Variants in SETDB1 observed in about 807,000 individuals in gnomAD.
The protein encoded by SETDB1 is histone-lysine N-methyltransferase SETDB1.
SETDB1 carries 31 observed loss-of-function variants against 137.4 expected under a neutral mutation model. The observed-to-expected ratio is 0.23, with a 90% CI of 0.17 to 0.30. The LOEUF (loss-of-function observed/expected upper bound fraction) is 0.30, where lower values mean the gene tolerates loss of function less well. SETDB1 is among the 10% of genes least tolerant of loss of function. SETDB1 has a pLI of 1.00. For missense variants in SETDB1, 1,113 were observed against 1,631.5 expected, an observed-to-expected ratio of 0.68 and a Z score of 5.47; for synonymous variants, 548 against 579.9, an observed-to-expected ratio of 0.95 and a Z score of 0.79.
Position 150,960,801 on chromosome 1 carries a change from T to G in SETDB1, c.2742T>G (p.Asp914Glu), listed in dbSNP as rs146691836. 1.0e-4 allele frequency: 168 copies of G among 1,608,708 alleles called. No individual in the cohort carries two copies. Among genetic ancestry groups the G allele is most frequent in the Non-Finnish European group, 1.3e-4 (149 of 1,177,610 alleles). ...DDSSDDNFCK[D>E]EDFSTSSVWR... ...GCTCAGATGATAACTTCTGTAAGGA[T>G]GAGGACTTCAGCACCAGTTCAGTGT... Residue 914 changes from aspartate (D) to glutamate (E), a missense_variant, in exon 16 of 22, where the codon GAT becomes GAG. By Grantham distance (45) the Asp-to-Glu change is conservative. Transcript: ENST00000692827.
chr1:150,957,962 G>A (rs1048465405), intron 14 of SETDB1, among the ~76,000 whole-genome samples: 3 of 152,216 alleles, frequency 2.0e-5, no homozygotes, highest in South Asian at 2.1e-4. Flanking sequence ...TAAGGCAGGC[G>A]GATCACATGA....
At chr1:150,938,462 TGTTA>T (rs1389653507) in intron 3 of SETDB1, among the ~76,000 whole-genome samples, 2 of 152,128 alleles carry the variant, frequency 1.3e-5, no homozygotes, top group Admixed American at 6.6e-5. Context: ...TCGATAGTGA[TGTTA>T]GTTTAATTAC....
chr1:150,961,069 TC>T lies in SETDB1; in HGVS notation c.3012del (p.Phe1005SerfsTer26). On this transcript the variant is annotated frameshift_variant, in exon 16 of 22. Coordinates refer to ENST00000692827, the MANE Select transcript of SETDB1 (RefSeq NM_001366418.1). LOFTEE classifies it high-confidence loss of function. ...TTTTGCTGACTCTGATAGCCATTCA[TC>T]CTTCAAGACTAATGAAGGTGGGGAG... ...GGFADSDSHS[S>X]FKTNEGGEGR... is the part of the protein sequence containing the mutation. 1 of 1,566,864 alleles carries T rather than the reference TC, an allele frequency of 6.4e-7. No homozygotes were observed. The highest frequency in any genetic ancestry group is 1.1e-5 in the South Asian group (1 of 90,176).
At position 150,942,845 on chromosome 1, in the gene SETDB1, T is replaced by C. The variant is rs770198547; in HGVS notation, c.674-7T>C. ...TTTAAAAAGATTTATCTTTCCCTTT[T>C]ACTCAGGGCCAGGGAAGAAATACAA... On this transcript the variant is annotated splice_polypyrimidine_tract_variant and splice_region_variant and intron_variant, in intron 6 of 21. Transcript: ENST00000692827. The C allele has an allele frequency of 6.2e-7, 1 of 1,612,900 alleles. No individual in the cohort carries two copies. The highest frequency in any genetic ancestry group is 1.7e-5 in the Admixed American group (1 of 59,998).
Position 150,962,740 on chromosome 1 carries a change from TCA to T in SETDB1, c.3294+22_3294+23del, listed in dbSNP as rs139971696. On this transcript the variant is annotated intron_variant, in intron 18 of 21. Coordinates refer to ENST00000692827, the MANE Select transcript of SETDB1 (RefSeq NM_001366418.1). ...CTGATGTAAGTCACCTCAAGCTTAT[TCA>T]GAGTCTAATAAAGGAAAATGGGCCA... is the stretch of plus-strand genomic sequence containing the variant. The T allele has an allele frequency of 2.1e-3, 3,447 of 1,611,958 alleles. 70 individuals carry two copies. In the African/African-American group the frequency reaches 0.041, roughly 19 times the overall value.
intron 9 of SETDB1, 43 bp downstream of exon 9, chr1:150,945,151 G>C (rs1354352477): frequency 6.2e-7 from 1 of 1,611,822 alleles, no homozygotes; most frequent in Non-Finnish European, 8.5e-7. Flanking sequence ...GGTTGGTGGG[G>C]GGGGAACTTA....
intron 6 of SETDB1, 27 bp from the exon 7 acceptor site, chr1:150,942,825 A>T (rs587646694): frequency 2.5e-6 from 4 of 1,611,176 alleles, no homozygotes; most frequent in Non-Finnish European, 2.5e-6. Flanking sequence ...CAGTGTTTAA[A>T]AAGATTTATC....
chr1:150,951,074 G>A lies in SETDB1; in HGVS notation c.2200G>A (p.Asp734Asn), dbSNP rs587689725. 3.1e-6 allele frequency: 5 copies of A among 1,609,658 alleles called. No homozygotes were observed. The highest frequency in any genetic ancestry group is 2.2e-5 in the East Asian group (1 of 44,762). Reference protein sequence around the residue: ...PEFLVGCDCKDGCRDKSKCAC... With the variant: ...PEFLVGCDCKNGCRDKSKCAC... ...ATTTCTGGTTGGCTGTGACTGCAAG[G>A]ATGGGTGTCGGGACAAGTGAGTTGG... is the stretch of plus-strand genomic sequence containing the variant. Residue 734 changes from aspartate (D) to asparagine (N), a missense_variant, in exon 13 of 22, where the codon GAT becomes AAT. Around this residue, in one of 11 missense-constraint regions of SETDB1, gnomAD observed 81 missense variants for 123.4 expected, o/e 0.66. Transcript: ENST00000692827.
At chr1:150,947,142 G>A in intron 10 of SETDB1, 130 bp downstream of exon 10, 8 of 1,098,364 alleles carry the variant, frequency 7.3e-6, no homozygotes, top group South Asian at 6.5e-5. Flanking sequence ...TGTGCCCTGA[G>A]TTGTTTCCAA....
chr1:150,952,159 AAAG>A (rs1369980186), intron 14 of SETDB1, among the ~76,000 whole-genome samples: 6 of 152,044 alleles, frequency 3.9e-5, no homozygotes, highest in Non-Finnish European at 8.8e-5. Flanking sequence ...AAAAAAAAAA[AAAG>A]AAAAGTTAGA....
At chr1:150,940,826 T>C (rs587742050) in intron 4 of SETDB1, among the ~76,000 whole-genome samples, 143 of 151,920 alleles carry the variant, frequency 9.4e-4, no homozygotes, top group African/African-American at 3.2e-3. Flanking sequence ...AGTGAAACCC[T>C]GTCTCTACTA....
chr1:150,961,644 ACT>A (rs912451658), intron 16 of SETDB1: 11 of 167,540 alleles, frequency 6.6e-5, no homozygotes, highest in South Asian at 1.3e-4. Flanking sequence ...ACAGAACGAG[ACT>A]CTGTCTCAAA....
chr1:150,957,151 A>C (rs1371919218), intron 14 of SETDB1, among the ~76,000 whole-genome samples: 1 of 151,760 alleles, frequency 6.6e-6, no homozygotes, highest in Non-Finnish European at 1.5e-5. Context: ...AAGCAGGTGG[A>C]TCACCTGAGG....
rs770605925 is a variant in SETDB1 at position 150,927,965 on chromosome 1, A to C, written c.251A>C (p.Asp84Ala). Residue 84 changes from aspartate (D) to alanine (A), a missense_variant, in exon 2 of 22, where the codon GAT becomes GCT. Around this residue, in one of 11 missense-constraint regions of SETDB1, gnomAD observed 159 missense variants for 188.6 expected, o/e 0.84. Transcript: ENST00000692827. ...EVAHVDQLFD[D>A]ASRAVTNCES... ...GCTCACGTTGACCAACTCTTTGATG[A>C]TGCATCCAGGTGAGAACTCCATGGA... 2 of 1,614,068 alleles carry C rather than the reference A, an allele frequency of 1.2e-6. No individual in the cohort carries two copies. The highest frequency in any genetic ancestry group is 1.7e-6 in the Non-Finnish European group (2 of 1,180,000).
chr1:150,930,084 T>C lies in SETDB1; in HGVS notation c.378T>C (p.Pro126=). 6.2e-7 allele frequency: 1 copy of C among 1,614,038 alleles called. No homozygotes were observed. Among genetic ancestry groups the C allele is most frequent in the Non-Finnish European group, 8.5e-7 (1 of 1,179,910 alleles). ...GGCCTACAGAAATAATTGAGATTCC[T>C]GATGAAGATGATGATGTCCTCAGTA... ...SSRPTEIIEI[P]DEDDDVLSID... is the part of the protein sequence containing the mutation. Residue 126 remains proline (P), a synonymous_variant, in exon 3 of 22, where the codon CCT becomes CCC. Transcript: ENST00000692827.
rs1369318467 is a variant in SETDB1 at position 150,960,484 on chromosome 1, AAAAAAAAAAAAGCAAAC to A, written c.2504-67_2504-51del. ...AGAGCAAGACTCCATCTGGAAAAAA[AAAAAAAAAAAAGCAAAC>A]AAAAAAAAAAACTAATAGGTCCCCA... On this transcript the variant is annotated intron_variant, in intron 15 of 21. Coordinates refer to ENST00000692827, the MANE Select transcript of SETDB1 (RefSeq NM_001366418.1). 6.2e-6 allele frequency: 8 copies of A among 1,283,676 alleles called. No homozygotes were observed. In the Admixed American group the frequency reaches 9.3e-5, roughly 15 times the overall value. 79.5% of individuals were successfully genotyped at this position (1,283,676 alleles called of 1,614,324 possible).
intron 3 of SETDB1, among the ~76,000 whole-genome samples, chr1:150,934,543 A>G (rs945752059): frequency 3.3e-5 from 5 of 152,212 alleles, no homozygotes; most frequent in Non-Finnish European, 7.3e-5. Flanking sequence ...CCTGTGTGAT[A>G]CTATTGTCAA....
chr1:150,951,739 C>T (rs1394464385), intron 14 of SETDB1, among the ~76,000 whole-genome samples: 1 of 152,084 alleles, frequency 6.6e-6, no homozygotes, highest in Non-Finnish European at 1.5e-5. Flanking sequence ...ATCTTAATTT[C>T]ATAGCTAAAT....
chr1:150,950,932 G>A lies in SETDB1; in HGVS notation c.2058G>A (p.Gly686=). 6.2e-7 allele frequency: 1 copy of A among 1,614,084 alleles called. No individual in the cohort carries two copies. The highest frequency in any genetic ancestry group is 8.5e-7 in the Non-Finnish European group (1 of 1,180,018). Residue 686 remains glycine, a synonymous_variant, in exon 13 of 22, where the codon GGG becomes GGA. Coordinates refer to ENST00000692827, the MANE Select transcript of SETDB1 (RefSeq NM_001366418.1). ...ACTATATTTTGGACATCACTTATGG[G>A]AAGGAAGATGTTCCCCTATCCTGTG... The part of the protein sequence containing the change: ...PFYYILDITY[G]KEDVPLSCVN...
Sources: allele counts gnomAD v4.1 joint callset (sites outside exome capture counted in the v4.1 genomes callset), GRCh38; gene constraint gnomAD v4.1.1; regional missense constraint gnomAD v4.1.1; transcripts MANE v1.5; gene names NCBI Gene and HGNC (gene_info 2026-07-23, HGNC 2026-07-21).